Variants in GTF2A1L observed in about 807,000 individuals in gnomAD.
The protein encoded by GTF2A1L is TFIIA-alpha and beta-like factor.
Under a neutral mutation model 49.7 loss-of-function variants are expected in GTF2A1L, and 48 were observed. That is an observed-to-expected ratio of 0.97 (90% CI 0.77 to 1.23). GTF2A1L has a LOEUF of 1.23. Among genes scored for constraint, GTF2A1L ranks in the 50% most tolerant of loss-of-function variants. The probability of loss-of-function intolerance (pLI) is 0.00; values close to 1 mark genes in which losing one functional copy is unlikely to be tolerated. For missense variants in GTF2A1L, 736 were observed against 564.8 expected (o/e 1.30, Z -3.07); for synonymous variants, 246 against 193.5 (o/e 1.27, Z -2.25).
At chr2:48,642,973 C>A (rs1206150028) in intron 4 of GTF2A1L, among the ~76,000 whole-genome samples, 1 of 152,136 alleles carries the variant, frequency 6.6e-6, no homozygotes, top group South Asian at 2.1e-4. Context: ...GTTTTCCTGT[C>A]TTTCAGAGCA....
chr2:48,644,788 A>G (rs562475314), intron 4 of GTF2A1L, among the ~76,000 whole-genome samples: 37 of 152,292 alleles, frequency 2.4e-4, no homozygotes, highest in Non-Finnish European at 5.0e-4. Flanking sequence ...GTTAATGTTT[A>G]TACTGTTCAT....
At chr2:48,620,992 GT>G (rs528231520) in intron 2 of GTF2A1L, 40 bp downstream of exon 2, 290 of 1,580,886 alleles carry the variant, frequency 1.8e-4, no homozygotes, top group Non-Finnish European at 2.3e-4. Context: ...GTCTTTTGTT[GT>G]TTTTTTCAGC....
intron 8 of GTF2A1L, among the ~76,000 whole-genome samples, chr2:48,677,132 G>T (rs1679510173): frequency 6.6e-6 from 1 of 151,676 alleles, no homozygotes; most frequent in African/African-American, 2.4e-5. Context: ...TTTAATGTCT[G>T]GTAAGGTTAG....
intron 3 of GTF2A1L, among the ~76,000 whole-genome samples, chr2:48,636,014 T>TA (rs1013136577): frequency 2.0e-5 from 3 of 152,210 alleles, no homozygotes; most frequent in Non-Finnish European, 4.4e-5. Flanking sequence ...GGGCTTCACT[T>TA]ACTTTTATCA....
chr2:48,656,137 A>C (rs929332347), intron 6 of GTF2A1L, among the ~76,000 whole-genome samples: 2 of 152,148 alleles, frequency 1.3e-5, no homozygotes, highest in East Asian at 3.8e-4. Flanking sequence ...ATGCTGCTGT[A>C]AACATGGCGT....
rs546365149 is a variant in GTF2A1L at position 48,617,890 on chromosome 2, C to T, written c.16C>T (p.Pro6Ser). MACLN[P>S]VPKLYRSVIE... ...AGGTGCTGTCATGGCCTGCCTCAAC[C>T]CGGTGGTAAGGAAGACCTCAGGCTC... is the stretch of plus-strand genomic sequence containing the variant. The change falls in exon 1 of 9, where the codon CCG becomes TCG. Residue 6 changes from proline (P) to serine (S), a missense_variant. Coordinates refer to ENST00000403751, the MANE Select transcript of GTF2A1L (RefSeq NM_006872.5). 1.2e-5 allele frequency: 18 copies of T among 1,551,734 alleles called. No individual in the cohort carries two copies. In the South Asian group the frequency reaches 1.9e-4, roughly 16 times the overall value.
intron 3 of GTF2A1L, among the ~76,000 whole-genome samples, chr2:48,626,140 T>G (rs1676278609): frequency 6.9e-6 from 1 of 144,222 alleles, no homozygotes; most frequent in South Asian, 2.3e-4. Flanking sequence ...CCTTTCCCCA[T>G]TGTGTCCTCT....
intron 3 of GTF2A1L, among the ~76,000 whole-genome samples, chr2:48,632,006 T>C (rs1676605074): frequency 6.6e-6 from 1 of 152,230 alleles, no homozygotes; most frequent in African/African-American, 2.4e-5. Flanking sequence ...GTTTTTGTTG[T>C]TGTTGTTTTT....
At chr2:48,642,570 T>C (rs1677257914) in intron 4 of GTF2A1L, 113 bp downstream of exon 4, 1 of 1,058,896 alleles carries the variant, frequency 9.4e-7, no homozygotes, top group Non-Finnish European at 1.3e-6. Flanking sequence ...AGTGAAAAGA[T>C]GTGGCCGGGC....
rs1322863094 is a variant in GTF2A1L at position 48,626,829 on chromosome 2, C to T, written c.247+5539C>T. 4.1e-5 allele frequency among the ~76,000 whole-genome samples: 6 copies of T among 144,640 alleles called. 2 individuals are homozygous for T. The highest frequency in any genetic ancestry group is 9.3e-5 in the Non-Finnish European group (6 of 64,176). 94.9% of individuals were successfully genotyped at this position (144,640 alleles called of 152,430 possible). A position where few individuals can be genotyped will look rare whatever the true frequency, so the allele number is the denominator to read the frequency against. ...GTTCAAGCAATCCACCTACCTTGGC[C>T]TCCTAGAGTGTGCATATCTTTCACC... On this transcript the variant is annotated intron_variant, in intron 3 of 8. Coordinates refer to ENST00000403751, the MANE Select transcript of GTF2A1L (RefSeq NM_006872.5).
chr2:48,642,601 T>G, intron 4 of GTF2A1L, 144 bp downstream of exon 4: 2 of 652,292 alleles, frequency 3.1e-6, no homozygotes, highest in Non-Finnish European at 4.7e-6. Flanking sequence ...ACGCCTGTAA[T>G]TCCAGCACTT....
intron 6 of GTF2A1L, among the ~76,000 whole-genome samples, chr2:48,657,984 T>C (rs1284520361): frequency 6.6e-6 from 1 of 152,108 alleles, no homozygotes; most frequent in Non-Finnish European, 1.5e-5. Context: ...TGTTTAAGTT[T>C]CTTATAAATT....
chr2:48,677,176 T>G (rs1572787963), intron 8 of GTF2A1L, among the ~76,000 whole-genome samples: 1 of 152,028 alleles, frequency 6.6e-6, no homozygotes, highest in East Asian at 1.9e-4. Context: ...AGAGTTTTCC[T>G]GGATATTCTT....
At chr2:48,666,853 T>G (rs1678873514) in intron 6 of GTF2A1L, among the ~76,000 whole-genome samples, 1 of 152,168 alleles carries the variant, frequency 6.6e-6, no homozygotes, top group Non-Finnish European at 1.5e-5. Context: ...TTTTTTCCAC[T>G]TTTTTCCCTA....
At chr2:48,674,990 A>G (rs1177921683) in intron 8 of GTF2A1L, among the ~76,000 whole-genome samples, 4 of 152,172 alleles carry the variant, frequency 2.6e-5, no homozygotes, top group African/African-American at 9.6e-5. Context: ...AAGATAGCCA[A>G]AAGAATGTAT....
Position 48,669,952 on chromosome 2 carries a change from T to C in GTF2A1L, c.1209T>C (p.Asn403=), listed in dbSNP as rs765827827. 1.7e-5 allele frequency: 28 copies of C among 1,613,820 alleles called. No homozygotes were observed. Among genetic ancestry groups the C allele is most frequent in the Non-Finnish European group, 2.4e-5 (28 of 1,179,952 alleles). The stretch of plus-strand genomic sequence containing the variant: ...ATTCAGCCACAAACAGTAGTGATAA[T>C]GAAGACCCTCAAGTAAACATTGTAG... The part of the protein sequence containing the change: ...NEDSATNSSD[N]EDPQVNIVEE... Residue 403 remains asparagine, a synonymous_variant, in exon 7 of 9, where the codon AAT becomes AAC. Transcript: ENST00000403751.
chr2:48,652,503 C>T (rs1051174061), intron 6 of GTF2A1L, among the ~76,000 whole-genome samples: 2 of 151,198 alleles, frequency 1.3e-5, no homozygotes, highest in Non-Finnish European at 2.9e-5. Context: ...GTAATCCCAG[C>T]TACTCGGGAT....
chr2:48,620,897 G>A lies in GTF2A1L; in HGVS notation c.68G>A (p.Arg23Gln), dbSNP rs201294989. The change falls in exon 2 of 9, where the codon CGG becomes CAG. Residue 23 changes from arginine (R) to glutamine (Q), a missense_variant. Coordinates refer to ENST00000403751, the MANE Select transcript of GTF2A1L (RefSeq NM_006872.5). The stretch of plus-strand genomic sequence containing the variant: ...ATTGAAGATGTAATTGAAGGAGTTC[G>A]GAATCTATTTGCTGAAGAAGGTATA... The part of the protein sequence containing the change: ...SVIEDVIEGV[R>Q]NLFAEEGIEE... 37 of 1,603,696 alleles carry A rather than the reference G, an allele frequency of 2.3e-5. No individual in the cohort carries two copies. The highest frequency in any genetic ancestry group is 1.9e-4 in the Admixed American group (11 of 58,512).
chr2:48,667,026 C>CA (rs533349746), intron 6 of GTF2A1L, among the ~76,000 whole-genome samples: 2 of 151,996 alleles, frequency 1.3e-5, no homozygotes, highest in Non-Finnish European at 2.9e-5. Context: ...TGCTGTGGTG[C>CA]AATCACAGCT....
Sources: gnomAD v4.1 joint callset for allele counts (sites outside exome capture counted in the v4.1 genomes callset) on GRCh38, gnomAD v4.1.1 for gene constraint, MANE v1.5 for transcripts, NCBI Gene and HGNC (gene_info 2026-07-23, HGNC 2026-07-21) for gene names.